NLRP13: variants seen among roughly 807,000 people sequenced by gnomAD.
NLRP13 encodes the protein NACHT, LRR and PYD domains-containing protein 13.
Under a neutral mutation model 94.4 loss-of-function variants are expected in NLRP13, and 82 were observed. That is an observed-to-expected ratio of 0.87 (90% CI 0.73 to 1.04). The LOEUF (loss-of-function observed/expected upper bound fraction) is 1.04. NLRP13 is among the 50% of genes least tolerant of loss of function. The pLI is 0.00. For synonymous variants in NLRP13, 553 were observed against 464.7 expected, an observed-to-expected ratio of 1.19 and a Z score of -2.45; for missense variants, 1,426 against 1,230.8, an observed-to-expected ratio of 1.16 and a Z score of -2.37.
At position 55,912,713 on chromosome 19, in the gene NLRP13, C is replaced by A; in HGVS notation, c.1104G>T (p.Val368=). ...TCACTAATGAGGCCTTAAGATCTCTCACAAACCAGGTCTTGATCGTGATCA... is the reference window on the plus strand; with the variant it reads ...TCACTAATGAGGCCTTAAGATCTCTAACAAACCAGGTCTTGATCGTGATCA... The part of the protein sequence containing the change: ...TLLITIKTWF[V]RDLKASLVNP... The change falls in exon 5 of 11, where the codon GTG becomes GTT. Residue 368 remains valine, a synonymous_variant. Transcript: ENST00000342929. 2 of 1,614,180 alleles carry A rather than the reference C, an allele frequency of 1.2e-6. No individual in the cohort carries two copies. The highest frequency in any genetic ancestry group is 2.2e-5 in the South Asian group (2 of 91,080).
chr19:55,898,719 C>T, intron 10 of NLRP13, 51 bp downstream of exon 10: 1 of 1,515,920 alleles, frequency 6.6e-7, no homozygotes, highest in Non-Finnish European at 8.9e-7. Flanking sequence ...TATCTCCCCA[C>T]CCGCAAGAGT....
rs139480819 is a variant in NLRP13, at chr19:55,912,812, C to G, written c.1005G>C (p.Trp335Cys). The G allele has an allele frequency of 4.3e-5, 69 of 1,613,992 alleles. No individual in the cohort carries two copies. The highest frequency in any genetic ancestry group is 5.6e-5 in the Non-Finnish European group (66 of 1,180,020). ...TTTTGGTCACTGGGAGCTCCTGGTA[C>G]CAGTCTGTACATGGCGAGCCATCAT... ...SLDDGSPCTD[W>C]YQELPVTKIL... Residue 335 changes from tryptophan (W) to cysteine (C), a missense_variant, in exon 5 of 11, where the codon TGG becomes TGC. Trp to Cys is a radical substitution (Grantham distance 215). Coordinates refer to ENST00000342929, the MANE Select transcript of NLRP13 (RefSeq NM_176810.2).
intron 4 of NLRP13, among the ~76,000 whole-genome samples, chr19:55,918,240 C>T (rs1986720092): frequency 7.6e-6 from 1 of 132,098 alleles, no homozygotes; most frequent in African/African-American, 3.0e-5. Context: ...ATATCAAAAC[C>T]TCTGTGATAC....
intron 9 of NLRP13, among the ~76,000 whole-genome samples, chr19:55,901,205 C>T (rs1255148353): frequency 3.3e-5 from 5 of 152,196 alleles, no homozygotes; most frequent in Non-Finnish European, 7.3e-5. Flanking sequence ...GCAAATTTAC[C>T]TCTGCACAGA....
At chr19:55,908,039 C>A in intron 6 of NLRP13, 83 bp from the exon 7 acceptor site, 1 of 1,249,254 alleles carries the variant, frequency 8.0e-7, no homozygotes, top group Non-Finnish European at 1.1e-6. Flanking sequence ...ACCCTGCCTT[C>A]TACTACACTC....
At chr19:55,928,046 C>T (rs763692450) in intron 1 of NLRP13, among the ~76,000 whole-genome samples, 2 of 152,184 alleles carry the variant, frequency 1.3e-5, no homozygotes, top group Non-Finnish European at 2.9e-5. Context: ...CTAAGAACCA[C>T]CTGATCCAAC....
intron 1 of NLRP13, among the ~76,000 whole-genome samples, chr19:55,930,933 A>G (rs393524): frequency 0.63 from 84,143 of 133,968 alleles, 27,596 homozygotes; most frequent in East Asian, 0.83. Context: ...GCATGGTTTT[A>G]TACTTGCTGA....
At chr19:55,922,642 T>C (rs1986860273) in intron 4 of NLRP13, among the ~76,000 whole-genome samples, 1 of 152,174 alleles carries the variant, frequency 6.6e-6, no homozygotes. Flanking sequence ...TTTTAAGCTA[T>C]CCAGTTTGTC....
chr19:55,912,006 A>C lies in NLRP13; in HGVS notation c.1811T>G (p.Leu604Trp), dbSNP rs765947283. ...TACCCTGGGAGATATTTTACAATGC[A>C]AAGTATCTTCCAGTTCTCTTGCTAT... ...KNIARELEDT[L>W]HCKISPRVME... is the part of the protein sequence containing the mutation. The change falls in exon 5 of 11, where the codon TTG becomes TGG. Residue 604 changes from leucine to tryptophan, a missense_variant. By Grantham distance (61) the Leu-to-Trp change is moderately conservative (BLOSUM62 -2). Transcript: ENST00000342929. The C allele has an allele frequency of 8.7e-6, 14 of 1,614,098 alleles. No individual in the cohort carries two copies. Among genetic ancestry groups the C allele is most frequent in the Non-Finnish European group, 1.2e-5 (14 of 1,180,046 alleles).
intron 1 of NLRP13, among the ~76,000 whole-genome samples, chr19:55,928,721 T>C (rs1987030183): frequency 6.6e-6 from 1 of 152,132 alleles, no homozygotes; most frequent in Non-Finnish European, 1.5e-5. Flanking sequence ...CTATTTTCAA[T>C]CTCTGATATC....
Position 55,910,452 on chromosome 19 carries a change from C to T in NLRP13, c.2282+111G>A, listed in dbSNP as rs1568692939. The T allele has an allele frequency of 2.9e-6, 3 of 1,034,644 alleles. No homozygotes were observed. In the East Asian group the frequency reaches 7.3e-5, roughly 25 times the overall value. The allele number at this position is 1,034,644 out of a possible 1,614,324, so 64.1% of individuals were successfully genotyped here. On this transcript the variant is annotated intron_variant, in intron 6 of 10. Coordinates refer to ENST00000342929, the MANE Select transcript of NLRP13 (RefSeq NM_176810.2). ...ATACAAGCACAGTTTATTTTATCCT[C>T]CTGAGCACGTAGCTTGCCTTCTGGC...
chr19:55,920,031 C>A (rs930413406), intron 4 of NLRP13, among the ~76,000 whole-genome samples: 2 of 152,020 alleles, frequency 1.3e-5, no homozygotes, highest in Non-Finnish European at 2.9e-5. Flanking sequence ...AGCTATATAC[C>A]TACAGCTAGC....
intron 4 of NLRP13, among the ~76,000 whole-genome samples, chr19:55,915,515 T>C (rs1986653426): frequency 1.3e-5 from 2 of 152,116 alleles, no homozygotes; most frequent in Admixed American, 6.5e-5. Context: ...GGAGAATCAC[T>C]TGAACCCGGG....
At chr19:55,893,565 G>C (rs1985914984), downstream of NLRP13, among the ~76,000 whole-genome samples, 1 of 152,106 alleles carries the variant, frequency 6.6e-6, no homozygotes, top group African/African-American at 2.4e-5. Flanking sequence ...TCAGGGAGAA[G>C]ATTTGATGGC....
At chr19:55,900,805 A>T (rs935162718) in intron 9 of NLRP13, among the ~76,000 whole-genome samples, 7 of 151,376 alleles carry the variant, frequency 4.6e-5, no homozygotes, top group Admixed American at 4.0e-4. Flanking sequence ...AGAACCAGGA[A>T]TCCCATTTGA....
chr19:55,897,631 G>T (rs1412057933), intron 10 of NLRP13, among the ~76,000 whole-genome samples: 7 of 152,188 alleles, frequency 4.6e-5, no homozygotes, highest in Non-Finnish European at 2.9e-5. Context: ...GATTCAGAAT[G>T]CATTTATGCC....
chr19:55,911,571 G>A (rs891635229), intron 5 of NLRP13, 135 bp downstream of exon 5: 6 of 794,230 alleles, frequency 7.6e-6, no homozygotes, highest in African/African-American at 1.7e-5. Context: ...TCAAGTTAGA[G>A]CTGCTCCAGA....
In NLRP13 at chr19:55,919,724, T is replaced by G. The variant is rs1044558100; in HGVS notation, c.523+4190A>C. On this transcript the variant is annotated intron_variant, in intron 4 of 10. Coordinates refer to ENST00000342929, the MANE Select transcript of NLRP13 (RefSeq NM_176810.2). ...TTATGGATGACACAAGTAATGCTCG[T>G]GGATAAGAATAAATGTCATTAAGAT... is the stretch of plus-strand genomic sequence containing the variant. Among the ~76,000 whole-genome samples, 56 of 152,134 alleles carry G rather than the reference T, an allele frequency of 3.7e-4. 1 individual carries two copies. Among genetic ancestry groups the G allele is most frequent in the African/African-American group, 1.3e-3 (52 of 41,574 alleles).
chr19:55,910,779 A>C, intron 5 of NLRP13, 46 bp from the exon 6 acceptor site: 25 of 1,476,000 alleles, frequency 1.7e-5, no homozygotes, highest in Non-Finnish European at 2.1e-5. Flanking sequence ...AATTAGCCTC[A>C]AGCAATACCC....
Sources: allele counts gnomAD v4.1 joint callset (sites outside exome capture counted in the v4.1 genomes callset), GRCh38; gene constraint gnomAD v4.1.1; transcripts MANE v1.5; gene names NCBI Gene and HGNC (gene_info 2026-07-23, HGNC 2026-07-21).